Variants in DLG4 observed in about 807,000 individuals in gnomAD.
DLG4 encodes discs large MAGUK scaffold protein 4.
DLG4 carries 7 observed loss-of-function variants against 93.8 expected under a neutral mutation model. That is an observed-to-expected ratio of 0.07 (90% confidence interval 0.04 to 0.14). DLG4 has a LOEUF of 0.14. Among genes scored for constraint, DLG4 ranks in the 10% least tolerant of loss-of-function variants. The pLI is 1.00. For synonymous variants in DLG4, 341 were observed against 387.6 expected (o/e 0.88, Z 1.41); for missense variants, 545 against 992.9 (o/e 0.55, Z 6.06).
Position 7,203,596 on chromosome 17 carries a change from G to A in DLG4, c.336-3C>T. ...CAAACAGGATGCTGTCGTTGACCCT[G>A]GGAGCAGCAAGGTGGGCCTGAGCCA... On this transcript the variant is annotated splice_polypyrimidine_tract_variant and splice_region_variant and intron_variant, in intron 5 of 19. Transcript: ENST00000399506. The surrounding 1 kb of genome is among the most constrained non-coding windows in gnomAD (Gnocchi z 7.2). 1.2e-6 allele frequency: 2 copies of A among 1,609,738 alleles called. No homozygotes were observed. Among genetic ancestry groups the A allele is most frequent in the East Asian group, 4.5e-5 (2 of 44,714 alleles).
chr17:7,203,089 G>T lies in DLG4; in HGVS notation c.643-42C>A. On this transcript the variant is annotated intron_variant, in intron 7 of 19. Coordinates refer to ENST00000399506, the MANE Select transcript of DLG4 (RefSeq NM_001321075.3). This position sits in a 1 kb window ranked among gnomAD's most constrained non-coding sequence, Gnocchi z 7.2. Reference sequence around the variant, plus strand: ...CAAAGCTCAGACAAAGCCACAAATGGCCCAAGACAGAAGCACTGGGGTGAA... The same window carrying T: ...CAAAGCTCAGACAAAGCCACAAATGTCCCAAGACAGAAGCACTGGGGTGAA... The T allele has an allele frequency of 2.5e-6, 4 of 1,584,838 alleles. No homozygotes were observed. The South Asian group carries it at 4.5e-5, about 18-fold the overall frequency.
In DLG4 at chr17:7,203,757, G is replaced by T. The variant is rs755756114; in HGVS notation, c.270C>A (p.Asp90Glu). ...AGGTDNPHIG[D>E]DPSIFITKII... The stretch of plus-strand genomic sequence containing the variant: ...TCTTGGTGATGAAAATGGATGGGTC[G>T]TCACCGATGTGTGGGTTGTCAGTGC... Residue 90 changes from aspartate (D) to glutamate (E), a missense_variant, in exon 5 of 20, where the codon GAC becomes GAA. Around this residue, in one of 5 missense-constraint regions of DLG4, gnomAD observed 33 missense variants for 107.5 expected, o/e 0.31. Coordinates refer to ENST00000399506, the MANE Select transcript of DLG4 (RefSeq NM_001321075.3). This position sits in a 1 kb window ranked among gnomAD's most constrained non-coding sequence, Gnocchi z 7.2. 6.2e-7 allele frequency: 1 copy of T among 1,613,494 alleles called. No individual in the cohort carries two copies. Among genetic ancestry groups the T allele is most frequent in the Non-Finnish European group, 8.5e-7 (1 of 1,179,804 alleles).
At chr17:7,206,464 C>T (rs996209461) in intron 2 of DLG4, among the ~76,000 whole-genome samples, 1 of 152,128 alleles carries the variant, frequency 6.6e-6, no homozygotes, top group Non-Finnish European at 1.5e-5. Context: ...CCCTCCACCC[C>T]CTTCTGCTCC....
chr17:7,219,717 C>A (rs1048633979), upstream of DLG4: 1 of 1,412,636 alleles, frequency 7.1e-7, no homozygotes. Context: ...TATCCCATCA[C>A]CCCGTCGGAG....
Position 7,217,470 on chromosome 17 carries a change from G to C in DLG4, c.-323C>G. On this transcript the variant is annotated 5_prime_UTR_variant, in exon 1 of 20. Transcript: ENST00000399506. ...CGGGGGCTGGGGCATGAGCTGGGGT[G>C]GGGGAGGGGAACTGGATTTCGGGGA... The C allele has an allele frequency of 2.2e-6, 1 of 447,624 alleles. No homozygotes were observed. The highest frequency in any genetic ancestry group is 3.8e-6 in the Non-Finnish European group (1 of 263,978). The allele number at this position is 447,624 out of a possible 1,614,324, so 27.7% of individuals were successfully genotyped here. A position where few individuals can be genotyped will look rare whatever the true frequency, so the allele number is the denominator to read the frequency against.
chr17:7,214,239 G>T (rs2142927513), intron 1 of DLG4, among the ~76,000 whole-genome samples: 1 of 152,228 alleles, frequency 6.6e-6, no homozygotes, highest in South Asian at 2.1e-4. Flanking sequence ...GCGCCCTGAA[G>T]TTACTTGGAC....
intron 2 of DLG4, among the ~76,000 whole-genome samples, chr17:7,206,169 G>A (rs1426829442): frequency 2.0e-5 from 3 of 151,688 alleles, no homozygotes; most frequent in East Asian, 1.9e-4. Flanking sequence ...AGCTCACTGC[G>A]GCCTTGAACT....
chr17:7,197,202 G>C (rs1449146537), intron 8 of DLG4, 150 bp from the exon 9 acceptor site: 1 of 740,774 alleles, frequency 1.3e-6, no homozygotes, highest in Non-Finnish European at 2.2e-6. Context: ...GGGGATATCA[G>C]ATCACAGTGA....
Position 7,203,762 on chromosome 17 carries a change from C to T in DLG4, c.265G>A (p.Gly89Ser), listed in dbSNP as rs868786374. The change falls in exon 5 of 20, where the codon GGT (glycine) becomes AGT (serine). Residue 89 changes from glycine (G) to serine (S), a missense_variant. Physicochemically the swap from Gly to Ser is moderately conservative, Grantham distance 56 (BLOSUM62 0). Coordinates refer to ENST00000399506, the MANE Select transcript of DLG4 (RefSeq NM_001321075.3). This position sits in a 1 kb window ranked among gnomAD's most constrained non-coding sequence, Gnocchi z 7.2. The part of the protein sequence containing the change: ...IAGGTDNPHI[G>S]DDPSIFITKI... ...GTGATGAAAATGGATGGGTCGTCAC[C>T]GATGTGTGGGTTGTCAGTGCCACCT... The T allele has an allele frequency of 5.0e-6, 8 of 1,613,396 alleles. No homozygotes were observed. Among genetic ancestry groups the T allele is most frequent in the African/African-American group, 1.3e-5 (1 of 74,864 alleles).
At position 7,217,059 on chromosome 17, in the gene DLG4, A is replaced by G. The variant is rs1597505454; in HGVS notation, c.30+59T>C. 3.2e-6 allele frequency: 4 copies of G among 1,241,922 alleles called. No individual in the cohort carries two copies. The East Asian group carries it at 1.3e-4, about 39-fold the overall frequency. The allele number at this position is 1,241,922 out of a possible 1,614,324, so 76.9% of individuals were successfully genotyped here. A position where few individuals can be genotyped will look rare whatever the true frequency, so the allele number is the denominator to read the frequency against. On this transcript the variant is annotated intron_variant, in intron 1 of 19. Transcript: ENST00000399506. ...GCGCCAGTCCCAGATAAGGCCTACT[A>G]ACCCCTCCCCACAAACTCATACCCT...
rs562833808 is a variant in DLG4, at chr17:7,197,326, T to C, written c.788-274A>G. Among the ~76,000 whole-genome samples the C allele has an allele frequency of 6.6e-5, 10 of 152,082 alleles. No individual in the cohort carries two copies. The South Asian group carries it at 2.1e-3, about 32-fold the overall frequency. ...AGGGATGGGGAAGTCAAAGGGAGCA[T>C]TAATATTACGCTTTGGGGGTTTTCT... On this transcript the variant is annotated intron_variant, in intron 8 of 19. Transcript: ENST00000399506.
In DLG4 at chr17:7,204,251, G is replaced by T. The variant is rs2070334573; in HGVS notation, c.98C>A (p.Ala33Asp). The T allele has an allele frequency of 6.3e-7, 1 of 1,587,160 alleles. No homozygotes were observed. The highest frequency in any genetic ancestry group is 1.1e-5 in the South Asian group (1 of 87,940). Residue 33 changes from alanine to aspartate, a missense_variant and splice_region_variant, in exon 3 of 20, where the codon GCC becomes GAC. Physicochemically the swap from Ala to Asp is moderately radical, Grantham distance 126. This residue lies in a region of DLG4 where 49 missense variants were observed against 80.4 expected (regional missense o/e 0.61). Coordinates refer to ENST00000399506, the MANE Select transcript of DLG4 (RefSeq NM_001321075.3). ...GTTGACAATCACTGGGGGAGAATTGGCCTGTTTGGGAAAACAAGAGACAAA... is the reference window on the plus strand; with the variant it reads ...GTTGACAATCACTGGGGGAGAATTGTCCTGTTTGGGAAAACAAGAGACAAA... ...EHSPAHLPNQ[A>D]NSPPVIVNTD...
chr17:7,191,439 G>A lies in DLG4; in HGVS notation c.1977-81C>T, dbSNP rs994463041. The stretch of plus-strand genomic sequence containing the variant: ...TATCTCCTCTATCCAGGAATGTTAA[G>A]TATTCTTCTATTTGGAGCACATAGC... On this transcript the variant is annotated intron_variant, in intron 18 of 19. Transcript: ENST00000399506. This position sits in a 1 kb window ranked among gnomAD's most constrained non-coding sequence, Gnocchi z 6.6. 2.7e-6 allele frequency: 3 copies of A among 1,096,174 alleles called. No homozygotes were observed. In the East Asian group the frequency reaches 7.2e-5, roughly 26 times the overall value. 67.9% of individuals were successfully genotyped at this position (1,096,174 alleles called of 1,614,324 possible).
At chr17:7,218,566 A>G, upstream of DLG4, 1 of 1,564,578 alleles carries the variant, frequency 6.4e-7, no homozygotes, top group South Asian at 1.2e-5. Context: ...AGAGGTCGCT[A>G]TGCAGCACTG....
At chr17:7,212,521 A>G (rs904200926) in intron 1 of DLG4, among the ~76,000 whole-genome samples, 4 of 152,196 alleles carry the variant, frequency 2.6e-5, no homozygotes, top group Admixed American at 1.3e-4. Context: ...CCCGAATCTA[A>G]TAAGATACTC....
At chr17:7,213,919 G>C in intron 1 of DLG4, 1 of 465,742 alleles carries the variant, frequency 2.1e-6, no homozygotes, top group Non-Finnish European at 4.5e-6. Context: ...CAAGGAGTCA[G>C]TGCGGAAGGG....
At chr17:7,217,641 G>C, upstream of DLG4, 1 of 1,348,922 alleles carries the variant, frequency 7.4e-7, no homozygotes, top group East Asian at 2.7e-5. Context: ...GAGGAAGCAG[G>C]GGGAGGGAGG....
chr17:7,218,292 A>G, upstream of DLG4: 1 of 1,607,112 alleles, frequency 6.2e-7, no homozygotes, highest in Non-Finnish European at 8.5e-7. Flanking sequence ...CTGTCACAGG[A>G]ACAGAACTGA....
chr17:7,218,770 C>G, upstream of DLG4: 1 of 1,604,488 alleles, frequency 6.2e-7, no homozygotes, highest in African/African-American at 1.3e-5. Context: ...GAAGGATCTC[C>G]GAGCCCCAGC....
Sources: gnomAD v4.1 joint callset for allele counts (sites outside exome capture counted in the v4.1 genomes callset) on GRCh38, gnomAD v4.1.1 for gene constraint, gnomAD v4.1.1 regional missense constraint, Gnocchi (gnomAD v3.1) non-coding constraint, MANE v1.5 for transcripts, NCBI Gene and HGNC (gene_info 2026-07-23, HGNC 2026-07-21) for gene names.